Variants in EPHA5 observed in about 807,000 individuals in gnomAD.
The protein encoded by EPHA5 is ephrin type-A receptor 5.
A neutral mutation model predicts 105.0 loss-of-function variants in EPHA5; 60 were observed. The observed-to-expected ratio is 0.57, with a 90% CI of 0.46 to 0.71. The LOEUF is 0.71. Among genes scored for constraint, EPHA5 ranks in the 30% least tolerant of loss-of-function variants. The pLI, the probability that EPHA5 is intolerant of heterozygous loss-of-function variation, is 0.00. For synonymous variants in EPHA5, 513 were observed against 449.1 expected, an observed-to-expected ratio of 1.14 and a Z score of -1.80; for missense variants, 1,218 against 1,274.7, an observed-to-expected ratio of 0.96 and a Z score of 0.68.
rs377735492 is a variant in EPHA5, at chr4:65,628,401, C to T, written c.246+14962G>A. On this transcript the variant is annotated intron_variant, in intron 2 of 16. Coordinates refer to ENST00000613740, the MANE Select transcript of EPHA5 (RefSeq NM_001281766.3). Reference sequence around the variant, plus strand: ...CTGATGATTGGTTAGTCAGAAAGAACTTTCAATATCTGATGACATGACAGC... The same window carrying T: ...CTGATGATTGGTTAGTCAGAAAGAATTTTCAATATCTGATGACATGACAGC... Among the ~76,000 whole-genome samples the T allele has an allele frequency of 4.1e-4, 63 of 152,128 alleles. 3 individuals are homozygous for T. In the South Asian group the frequency reaches 0.013, roughly 31 times the overall value.
intron 8 of EPHA5, among the ~76,000 whole-genome samples, chr4:65,403,330 A>C (rs1266779997): frequency 6.6e-6 from 1 of 152,170 alleles, no homozygotes; most frequent in East Asian, 1.9e-4. Flanking sequence ...GTAAATGAGT[A>C]GAACGGTAAC....
intron 3 of EPHA5, among the ~76,000 whole-genome samples, chr4:65,596,793 C>T (rs1743237948): frequency 6.6e-6 from 1 of 151,980 alleles, no homozygotes; most frequent in Non-Finnish European, 1.5e-5. Context: ...AAATAGGTTC[C>T]TTTTGTTACA....
intron 1 of EPHA5, among the ~76,000 whole-genome samples, chr4:65,651,564 A>T (rs1748609955): frequency 6.6e-6 from 1 of 152,194 alleles, no homozygotes; most frequent in African/African-American, 2.4e-5. Flanking sequence ...CCTAAAAGAG[A>T]TGACTTTTAT....
Position 65,611,544 on chromosome 4 carries a change from G to A in EPHA5, c.247-9240C>T, listed in dbSNP as rs1017316657. Among the ~76,000 whole-genome samples, 4 of 141,324 alleles carry A rather than the reference G, an allele frequency of 2.8e-5. No homozygotes were observed. The South Asian group carries it at 8.9e-4, about 31-fold the overall frequency. 92.7% of individuals were successfully genotyped at this position (141,324 alleles called of 152,430 possible). A position where few individuals can be genotyped will look rare whatever the true frequency, so the allele number is the denominator to read the frequency against. ...TCTGGCAAAAAAAAAAAAAAAAAAGGTTTCAGTAAACCATGTGCAACTCTT... is the reference window on the plus strand; with the variant it reads ...TCTGGCAAAAAAAAAAAAAAAAAAGATTTCAGTAAACCATGTGCAACTCTT... On this transcript the variant is annotated intron_variant, in intron 2 of 16. Coordinates refer to ENST00000613740, the MANE Select transcript of EPHA5 (RefSeq NM_001281766.3).
intron 3 of EPHA5, among the ~76,000 whole-genome samples, chr4:65,509,049 T>C (rs964061928): frequency 6.6e-6 from 1 of 152,148 alleles, no homozygotes; most frequent in Non-Finnish European, 1.5e-5. Context: ...ATCTTTAAAT[T>C]AGCAAAACCA....
chr4:65,392,527 A>G (rs1396741088), intron 8 of EPHA5, among the ~76,000 whole-genome samples: 1 of 152,278 alleles, frequency 6.6e-6, no homozygotes, highest in Middle Eastern at 3.4e-3. Context: ...ATATCAATTT[A>G]TAAAAGTTAT....
At chr4:65,654,232 T>C (rs1748861941) in intron 1 of EPHA5, among the ~76,000 whole-genome samples, 1 of 143,376 alleles carries the variant, frequency 7.0e-6, no homozygotes, top group Admixed American at 6.9e-5. Flanking sequence ...ACCCTCCAAC[T>C]TCTTTCTTGA....
chr4:65,368,045 G>T (rs1162887135), intron 8 of EPHA5, among the ~76,000 whole-genome samples: 1 of 151,376 alleles, frequency 6.6e-6, no homozygotes. Context: ...CTTATTACTA[G>T]GAAAAAAAAT....
chr4:65,577,835 T>G (rs888838438), intron 3 of EPHA5, among the ~76,000 whole-genome samples: 8 of 152,100 alleles, frequency 5.3e-5, no homozygotes, highest in Admixed American at 2.0e-4. Flanking sequence ...GCATCAAAAC[T>G]AAGGTGCCTT....
rs374712053 is a variant in EPHA5 at position 65,506,770 on chromosome 4, T to C, written c.911-11227A>G. ...TGAGTTCATTGTCGATTCTGGATAT[T>C]AGCCCTTTGTCAGATGAGTAGATGC... is the stretch of plus-strand genomic sequence containing the variant. On this transcript the variant is annotated intron_variant, in intron 3 of 16. Transcript: ENST00000613740. 3.7e-4 allele frequency among the ~76,000 whole-genome samples: 56 copies of C among 152,306 alleles called. 1 individual carries two copies. In the South Asian group the frequency reaches 0.011, roughly 31 times the overall value.
chr4:65,645,574 C>T (rs1191516619), intron 1 of EPHA5, among the ~76,000 whole-genome samples: 2 of 151,528 alleles, frequency 1.3e-5, no homozygotes, highest in Non-Finnish European at 2.9e-5. Flanking sequence ...ATTCAGTTAA[C>T]TGCACTTGAA....
intron 3 of EPHA5, among the ~76,000 whole-genome samples, chr4:65,534,838 G>A (rs1043415714): frequency 6.6e-6 from 1 of 152,178 alleles, no homozygotes; most frequent in African/African-American, 2.4e-5. Flanking sequence ...GATATATTAT[G>A]TTCACTGAAA....
chr4:65,336,237 T>C, intron 14 of EPHA5, 112 bp from the exon 15 acceptor site: 2 of 721,522 alleles, frequency 2.8e-6, no homozygotes, highest in South Asian at 3.6e-5. Flanking sequence ...ACTCTTGCAA[T>C]AACAACTAGC....
rs551390447 is a variant in EPHA5 at position 65,407,131 on chromosome 4, T to C, written c.1688-2652A>G. ...AATATCTAAAATATCATTTTTATGATGTTTCCCTGATCAAAAACTTTAGAG... is the reference window on the plus strand; with the variant it reads ...AATATCTAAAATATCATTTTTATGACGTTTCCCTGATCAAAAACTTTAGAG... On this transcript the variant is annotated intron_variant, in intron 7 of 16. Coordinates refer to ENST00000613740, the MANE Select transcript of EPHA5 (RefSeq NM_001281766.3). 6.6e-5 allele frequency among the ~76,000 whole-genome samples: 10 copies of C among 152,156 alleles called. 1 individual carries two copies. Among genetic ancestry groups the C allele is most frequent in the Admixed American group, 5.2e-4 (8 of 15,268 alleles).
chr4:65,420,159 C>G (rs921765353), intron 6 of EPHA5, among the ~76,000 whole-genome samples: 2 of 152,088 alleles, frequency 1.3e-5, no homozygotes, highest in African/African-American at 4.8e-5. Flanking sequence ...ATTTGTAACA[C>G]TTTCAAATGC....
intron 13 of EPHA5, among the ~76,000 whole-genome samples, chr4:65,348,683 T>C (rs1722468385): frequency 1.2e-5 from 1 of 81,910 alleles, no homozygotes; most frequent in Admixed American, 1.4e-4. Flanking sequence ...TATATATATA[T>C]ATATATATAT....
intron 8 of EPHA5, among the ~76,000 whole-genome samples, chr4:65,395,357 C>T (rs1216029172): frequency 6.6e-6 from 1 of 152,158 alleles, no homozygotes; most frequent in African/African-American, 2.4e-5. Context: ...CCTGGACTTA[C>T]CTTTGTGTTT....
intron 5 of EPHA5, among the ~76,000 whole-genome samples, chr4:65,488,618 C>A (rs1731105223): frequency 6.6e-6 from 1 of 152,120 alleles, no homozygotes; most frequent in Non-Finnish European, 1.5e-5. Context: ...CTCTTTAGCA[C>A]TTCTATTAGT....
chr4:65,481,380 A>C (rs1460678895), intron 5 of EPHA5, among the ~76,000 whole-genome samples: 1 of 152,224 alleles, frequency 6.6e-6, no homozygotes, highest in Non-Finnish European at 1.5e-5. Context: ...AAAAAGTTAA[A>C]TCATGAGCAT....
Sources: gnomAD v4.1 joint callset for allele counts (sites outside exome capture counted in the v4.1 genomes callset) on GRCh38, gnomAD v4.1.1 for gene constraint, MANE v1.5 for transcripts, NCBI Gene and HGNC (gene_info 2026-07-23, HGNC 2026-07-21) for gene names.